The following RGMA variants were observed in gnomAD, a reference collection of about 807,000 sequenced individuals.
The protein encoded by RGMA is repulsive guidance molecule A.
In RGMA, 10 loss-of-function variants were observed where a neutral mutation model predicts 23.2. That is an observed-to-expected ratio of 0.43 (90% CI 0.27 to 0.73). RGMA has a LOEUF of 0.73. RGMA is among the 30% of genes least tolerant of loss of function. The pLI is 0.20. For missense variants in RGMA, 547 were observed against 630.5 expected (o/e 0.87, Z 1.42); for synonymous variants, 308 against 279.3 (o/e 1.10, Z -1.03).
chr15:93,044,595 A>AGGGGGC lies in RGMA; in HGVS notation c.*397_*402dup, dbSNP rs1479370548. On this transcript the variant is annotated 3_prime_UTR_variant, in exon 4 of 4. Transcript: ENST00000329082. ...GTGTGTGCGTGCGTGTGGCGGGCAC[A>AGGGGGC]GGGGGCCCCACGGATCGGCGAGCAG... The AGGGGGC allele has an allele frequency of 8.1e-6, 2 of 248,012 alleles. No homozygotes were observed. The highest frequency in any genetic ancestry group is 2.0e-4 in the East Asian group (2 of 10,004). 15.4% of individuals were successfully genotyped at this position (248,012 alleles called of 1,614,324 possible).
chr15:93,064,976 G>A (rs1233354809), intron 2 of RGMA, among the ~76,000 whole-genome samples: 1 of 151,766 alleles, frequency 6.6e-6, no homozygotes, highest in East Asian at 1.9e-4. Context: ...TATACCACAT[G>A]GTAATTTTTT....
rs140238041 is a variant in RGMA, at chr15:93,048,619, G to A, written c.646-2914C>T. On this transcript the variant is annotated intron_variant, in intron 3 of 3. Transcript: ENST00000329082. ...CCGTGGGATGTCAAAGGTGGCTGCG[G>A]CTGCAGCCTCTCCATCCAGCATGGA... Among the ~76,000 whole-genome samples, 266 of 152,284 alleles carry A rather than the reference G, an allele frequency of 1.7e-3. 2 individuals are homozygous for A. Among genetic ancestry groups the A allele is most frequent in the African/African-American group, 6.1e-3 (253 of 41,550 alleles).
chr15:93,062,436 G>C (rs1179903721), intron 2 of RGMA, among the ~76,000 whole-genome samples: 1 of 152,220 alleles, frequency 6.6e-6, no homozygotes, highest in Admixed American at 6.5e-5. Context: ...GGGTGATGAA[G>C]GGCAAAGATC....
At position 93,052,446 on chromosome 15, in the gene RGMA, G is replaced by A; in HGVS notation, c.192C>T (p.Ser64=). ...NSEFWSATSG[S]HAPASDDTPE... ...GGGTGTCGTCTGAGGCTGGGGCGTGGCTGCCCGACGTGGCGCTCCAGAACT... is the reference window on the plus strand; with the variant it reads ...GGGTGTCGTCTGAGGCTGGGGCGTGACTGCCCGACGTGGCGCTCCAGAACT... Residue 64 remains serine (S), a synonymous_variant, in exon 3 of 4, where the codon AGC becomes AGT. Transcript: ENST00000329082. The A allele has an allele frequency of 6.3e-7, 1 of 1,592,118 alleles. No individual in the cohort carries two copies. The highest frequency in any genetic ancestry group is 8.5e-7 in the Non-Finnish European group (1 of 1,174,936).
At position 93,044,770 on chromosome 15, in the gene RGMA, CCT is replaced by C. The variant is rs1336321108; in HGVS notation, c.*226_*227del. The stretch of plus-strand genomic sequence containing the variant: ...GGGCGGGGCGAGGGGAGCTGCTCTC[CCT>C]CTCACACAGCTCTACTGTCAAACAT... On this transcript the variant is annotated 3_prime_UTR_variant, in exon 4 of 4. Transcript: ENST00000329082. 4 of 579,886 alleles carry C rather than the reference CCT, an allele frequency of 6.9e-6. No individual in the cohort carries two copies. Among genetic ancestry groups the C allele is most frequent in the Non-Finnish European group, 1.2e-5 (4 of 325,922 alleles). The allele number at this position is 579,886 out of a possible 1,614,324, so 35.9% of individuals were successfully genotyped here. A position where few individuals can be genotyped will look rare whatever the true frequency, so the allele number is the denominator to read the frequency against.
intron 3 of RGMA, among the ~76,000 whole-genome samples, chr15:93,048,903 G>T (rs1010257030): frequency 2.9e-5 from 4 of 139,378 alleles, no homozygotes; most frequent in South Asian, 5.1e-4. Context: ...GACACTGGGG[G>T]TGGGGGGGGG....
chr15:93,057,442 C>T (rs556934179), intron 2 of RGMA, among the ~76,000 whole-genome samples: 16 of 152,138 alleles, frequency 1.1e-4, no homozygotes, highest in Non-Finnish European at 1.5e-4. Context: ...CCTTCTGCCA[C>T]GTGAGGATAT....
intron 2 of RGMA, among the ~76,000 whole-genome samples, chr15:93,062,425 C>T (rs2293599): frequency 0.057 from 8,667 of 152,222 alleles, 351 homozygotes; most frequent in Middle Eastern, 0.095. Flanking sequence ...CTGAATTTGA[C>T]GGGTGATGAA....
At chr15:93,069,999 T>TC (rs1895273261) in intron 2 of RGMA, among the ~76,000 whole-genome samples, 1 of 152,214 alleles carries the variant, frequency 6.6e-6, no homozygotes, top group African/African-American at 2.4e-5. Flanking sequence ...TGGCCTCCCT[T>TC]CCTAGGTAGA....
At chr15:93,068,817 T>A (rs1596100278) in intron 2 of RGMA, among the ~76,000 whole-genome samples, 1 of 152,178 alleles carries the variant, frequency 6.6e-6, no homozygotes, top group Admixed American at 6.5e-5. Flanking sequence ...GTTTCAAGAA[T>A]GGGATTAGTG....
At chr15:93,073,868 C>G in intron 1 of RGMA, 1 of 1,475,038 alleles carries the variant, frequency 6.8e-7, no homozygotes, top group South Asian at 1.4e-5. Context: ...AACCTTGCCA[C>G]CTTGGCACAG....
At chr15:93,059,408 G>A (rs1489524153) in intron 2 of RGMA, among the ~76,000 whole-genome samples, 1 of 152,178 alleles carries the variant, frequency 6.6e-6, no homozygotes, top group East Asian at 1.9e-4. Context: ...CAAACTCTCA[G>A]GGAACTTGGA....
chr15:93,065,754 G>C (rs1895123110), intron 2 of RGMA: 1 of 1,182,278 alleles, frequency 8.5e-7, no homozygotes, highest in African/African-American at 1.5e-5. Context: ...GGCTGGGCTT[G>C]GTCTCACCGT....
intron 2 of RGMA, among the ~76,000 whole-genome samples, chr15:93,059,715 A>G (rs1036260147): frequency 1.3e-5 from 2 of 152,102 alleles, no homozygotes; most frequent in African/African-American, 4.8e-5. Flanking sequence ...ACGGCACTAA[A>G]TCACCAACTG....
In RGMA at chr15:93,068,654, G is replaced by A. The variant is rs148859001; in HGVS notation, c.130+4262C>T. Among the ~76,000 whole-genome samples, 24 of 152,308 alleles carry A rather than the reference G, an allele frequency of 1.6e-4. No homozygotes were observed. In the East Asian group the frequency reaches 3.7e-3, roughly 23 times the overall value. ...GCGTGCTCTCCCTGGGAGCCAATGC[G>A]CTGCTCTGCAGGTGCCGTCACACAC... is the stretch of plus-strand genomic sequence containing the variant. On this transcript the variant is annotated intron_variant, in intron 2 of 3. Coordinates refer to ENST00000329082, the MANE Select transcript of RGMA (RefSeq NM_020211.3).
rs571020948 is a variant in RGMA at position 93,052,634 on chromosome 15, C to G, written c.131-127G>C. 3 of 1,062,214 alleles carry G rather than the reference C, an allele frequency of 2.8e-6. No individual in the cohort carries two copies. The African/African-American group carries it at 4.8e-5, about 17-fold the overall frequency. 65.8% of individuals were successfully genotyped at this position (1,062,214 alleles called of 1,614,324 possible). The stretch of plus-strand genomic sequence containing the variant: ...AGGGCAGAGCCACCCATGCCACACA[C>G]AGATGGTGAAAAATTTCCTGCAGGT... On this transcript the variant is annotated intron_variant, in intron 2 of 3. Coordinates refer to ENST00000329082, the MANE Select transcript of RGMA (RefSeq NM_020211.3).
At chr15:93,053,602 G>A (rs927867410) in intron 2 of RGMA, among the ~76,000 whole-genome samples, 10 of 152,238 alleles carry the variant, frequency 6.6e-5, no homozygotes, top group African/African-American at 2.4e-4. Context: ...ATAAAACCAA[G>A]AACAGACACA....
intron 2 of RGMA, among the ~76,000 whole-genome samples, chr15:93,064,474 C>T (rs1895074911): frequency 6.6e-6 from 1 of 152,186 alleles, no homozygotes; most frequent in Non-Finnish European, 1.5e-5. Flanking sequence ...GGCTTTTCTC[C>T]CTCAATGCTG....
intron 2 of RGMA, among the ~76,000 whole-genome samples, chr15:93,058,373 G>C (rs530844251): frequency 6.6e-6 from 1 of 152,222 alleles, no homozygotes; most frequent in Non-Finnish European, 1.5e-5. Flanking sequence ...TGAGCTACAG[G>C]CATGCACGGG....
Sources: gnomAD v4.1 joint callset for allele counts (sites outside exome capture counted in the v4.1 genomes callset) on GRCh38, gnomAD v4.1.1 for gene constraint, MANE v1.5 for transcripts, NCBI Gene and HGNC (gene_info 2026-07-23, HGNC 2026-07-21) for gene names.